The following CAPZB variants were observed in gnomAD, a reference collection of about 807,000 sequenced individuals.
CAPZB encodes the protein F-actin-capping protein subunit beta.
Under a neutral mutation model 38.1 loss-of-function variants are expected in CAPZB, and 2 were observed. The ratio of observed to expected loss-of-function variants is 0.05; its 90% CI spans 0.02 to 0.17. The LOEUF (loss-of-function observed/expected upper bound fraction) is 0.17. Ranked by LOEUF, CAPZB falls within the 10% of genes least tolerant of loss-of-function variation. The pLI is 1.00. For missense variants in CAPZB, 161 were observed against 334.2 expected, an observed-to-expected ratio of 0.48 and a Z score of 4.04; for synonymous variants, 107 against 127.4, an observed-to-expected ratio of 0.84 and a Z score of 1.08.
intron 4 of CAPZB, among the ~76,000 whole-genome samples, chr1:19,368,884 A>C (rs1251472162): frequency 6.6e-6 from 1 of 152,138 alleles, no homozygotes; most frequent in Non-Finnish European, 1.5e-5. Flanking sequence ...AAGCCTCGGA[A>C]ACATCTCAGT....
At chr1:19,456,861 T>C (rs2094534691) in intron 1 of CAPZB, among the ~76,000 whole-genome samples, 1 of 152,210 alleles carries the variant, frequency 6.6e-6, no homozygotes, top group Non-Finnish European at 1.5e-5. Flanking sequence ...AAAGGTATTG[T>C]TGCATGGGTC....
intron 4 of CAPZB, among the ~76,000 whole-genome samples, chr1:19,366,418 G>A (rs1215882293): frequency 6.6e-6 from 1 of 151,662 alleles, no homozygotes; most frequent in Non-Finnish European, 1.5e-5. Flanking sequence ...GCCGGGTGCG[G>A]TGGCTCATGC....
rs997475253 is a variant in CAPZB, at chr1:19,357,367, T to C, written c.471+55A>G. ...CTGTTAGAGAGCAGCGCGGCACTGG[T>C]TGGTGTGCCATCTGTACTTAGTGGC... is the stretch of plus-strand genomic sequence containing the variant. On this transcript the variant is annotated intron_variant, in intron 5 of 8. Transcript: ENST00000264202. The surrounding 1 kb of genome is among the most constrained non-coding windows in gnomAD (Gnocchi z 4.3). The C allele has an allele frequency of 1.3e-6, 2 of 1,543,630 alleles. No individual in the cohort carries two copies. The highest frequency in any genetic ancestry group is 8.9e-7 in the Non-Finnish European group (1 of 1,118,420).
At chr1:19,370,109 C>T (rs1018257545) in intron 4 of CAPZB, among the ~76,000 whole-genome samples, 1 of 152,210 alleles carries the variant, frequency 6.6e-6, no homozygotes, top group Admixed American at 6.5e-5. Flanking sequence ...ACCCAGAGCC[C>T]GCACCCCACA....
intron 4 of CAPZB, among the ~76,000 whole-genome samples, chr1:19,377,849 C>A (rs1183253943): frequency 6.6e-6 from 1 of 152,196 alleles, no homozygotes; most frequent in African/African-American, 2.4e-5. Context: ...AGGAAGAAAT[C>A]TCAACAGATC....
intron 2 of CAPZB, among the ~76,000 whole-genome samples, chr1:19,392,082 C>T (rs1410817715): frequency 2.0e-5 from 3 of 151,976 alleles, no homozygotes; most frequent in Non-Finnish European, 4.4e-5. Context: ...ACTCAGGAGG[C>T]CGAAGCAGGA....
At chr1:19,406,453 A>G (rs1201771256) in intron 2 of CAPZB, among the ~76,000 whole-genome samples, 1 of 152,186 alleles carries the variant, frequency 6.6e-6, no homozygotes, top group Non-Finnish European at 1.5e-5. Flanking sequence ...GAAGCTACCC[A>G]CTACGGAGAC....
chr1:19,484,144 A>T, intron 1 of CAPZB: 1 of 1,584,460 alleles, frequency 6.3e-7, no homozygotes, highest in South Asian at 1.1e-5. Context: ...TTACCAAAAC[A>T]AACACCACGA....
chr1:19,352,816 A>T (rs775164718), intron 6 of CAPZB, among the ~76,000 whole-genome samples: 6 of 152,244 alleles, frequency 3.9e-5, no homozygotes, highest in Non-Finnish European at 5.9e-5. Flanking sequence ...AAAAGCCGAA[A>T]ATGATGGAGG....
chr1:19,415,792 G>A (rs2094376365), intron 2 of CAPZB, among the ~76,000 whole-genome samples: 6 of 152,210 alleles, frequency 3.9e-5, no homozygotes, highest in Admixed American at 3.9e-4. Flanking sequence ...ACCTGCCTTG[G>A]CCTCCCAAAG....
At chr1:19,477,768 AAAGATGGGG>A (rs1250523026) in intron 1 of CAPZB, among the ~76,000 whole-genome samples, 5 of 152,192 alleles carry the variant, frequency 3.3e-5, no homozygotes, top group Non-Finnish European at 7.3e-5. Flanking sequence ...TTTTTGAAAG[AAAGATGGGG>A]TCTTACTATG....
chr1:19,484,722 C>A, intron 1 of CAPZB: 1 of 1,056,064 alleles, frequency 9.5e-7, no homozygotes, highest in East Asian at 8.2e-5. Flanking sequence ...AGGCTCAGGG[C>A]GGGGACCGAG....
chr1:19,443,847 CTG>C (rs1289534597), intron 1 of CAPZB, among the ~76,000 whole-genome samples: 1 of 152,172 alleles, frequency 6.6e-6, no homozygotes, highest in African/African-American at 2.4e-5. Flanking sequence ...CTGGGGCACT[CTG>C]TGATGAAAGC....
chr1:19,456,097 A>C (rs529766854), intron 1 of CAPZB, among the ~76,000 whole-genome samples: 3 of 152,294 alleles, frequency 2.0e-5, no homozygotes, highest in African/African-American at 7.2e-5. Context: ...TTTTTGGTAG[A>C]GATGGAGTTT....
chr1:19,450,530 C>G (rs570386413), intron 1 of CAPZB, among the ~76,000 whole-genome samples: 108 of 152,204 alleles, frequency 7.1e-4, no homozygotes, highest in African/African-American at 2.5e-3. Flanking sequence ...TCATAGCATG[C>G]CTGTAAGACA....
At chr1:19,390,120 G>A (rs890198201) in intron 2 of CAPZB, among the ~76,000 whole-genome samples, 4 of 152,200 alleles carry the variant, frequency 2.6e-5, no homozygotes, top group Non-Finnish European at 5.9e-5. Context: ...AATGAAGGCA[G>A]TGTATCTCTG....
intron 1 of CAPZB, among the ~76,000 whole-genome samples, chr1:19,465,561 C>A (rs1397595332): frequency 1.3e-5 from 2 of 152,182 alleles, no homozygotes; most frequent in African/African-American, 2.4e-5. Flanking sequence ...AGCTCTAATT[C>A]TTTCAAAGCC....
At chr1:19,381,774 C>T (rs1171365516) in intron 3 of CAPZB, among the ~76,000 whole-genome samples, 4 of 144,738 alleles carry the variant, frequency 2.8e-5, no homozygotes, top group African/African-American at 1.0e-4. Flanking sequence ...CTCACTGCAA[C>T]CTGTGTCTCC....
At chr1:19,452,001 A>C (rs1421572845) in intron 1 of CAPZB, among the ~76,000 whole-genome samples, 1 of 151,758 alleles carries the variant, frequency 6.6e-6, no homozygotes, top group Non-Finnish European at 1.5e-5. Flanking sequence ...ACCCTCCCCC[A>C]CTTTGTCCAA....
Sources: allele counts gnomAD v4.1 joint callset (sites outside exome capture counted in the v4.1 genomes callset), GRCh38; gene constraint gnomAD v4.1.1; non-coding constraint Gnocchi (gnomAD v3.1); transcripts MANE v1.5; gene names NCBI Gene and HGNC (gene_info 2026-07-23, HGNC 2026-07-21).